Variants in ANO3 observed in about 807,000 individuals in gnomAD.
ANO3 encodes anoctamin 3, also known as anoctamin-3.
A neutral mutation model predicts 144.8 loss-of-function variants in ANO3; 99 were observed. The observed-to-expected ratio is 0.68, with a 90% CI of 0.58 to 0.81. The LOEUF is 0.81. Ranked by LOEUF, ANO3 falls within the 30% of genes least tolerant of loss-of-function variation. The probability of loss-of-function intolerance (pLI) is 0.00; values close to 1 mark genes in which losing one functional copy is unlikely to be tolerated. For missense variants in ANO3, 905 were observed against 1,202.2 expected (o/e 0.75, Z 3.66); for synonymous variants, 414 against 392.6 (o/e 1.05, Z -0.64).
chr11:26,212,771 C>T (rs1224360534), intron 1 of ANO3, among the ~76,000 whole-genome samples: 3 of 151,912 alleles, frequency 2.0e-5, no homozygotes, highest in East Asian at 3.9e-4. Context: ...GGACTCCTCC[C>T]TCTTTTTATG....
intron 1 of ANO3, among the ~76,000 whole-genome samples, chr11:26,197,704 T>A (rs1851617402): frequency 6.6e-6 from 1 of 152,072 alleles, no homozygotes; most frequent in South Asian, 2.1e-4. Context: ...TTTAGAAACG[T>A]CTCTTCCAGG....
intron 1 of ANO3, among the ~76,000 whole-genome samples, chr11:26,192,743 G>C (rs1851502723): frequency 6.6e-6 from 1 of 152,092 alleles, no homozygotes; most frequent in South Asian, 2.1e-4. Flanking sequence ...AGCCGAGAGA[G>C]AGCTGAATTG....
At chr11:26,505,948 G>A (rs1305792943) in intron 4 of ANO3, among the ~76,000 whole-genome samples, 2 of 135,026 alleles carry the variant, frequency 1.5e-5, no homozygotes, top group Admixed American at 8.4e-5. Context: ...AGCCGAGACC[G>A]CGCCACTGCA....
Position 26,636,056 on chromosome 11 carries a change from C to T in ANO3, c.2043+986C>T, listed in dbSNP as rs549174000. Among the ~76,000 whole-genome samples the T allele has an allele frequency of 1.3e-3, 196 of 151,922 alleles. 1 individual carries two copies. The highest frequency in any genetic ancestry group is 1.0e-3 in the Non-Finnish European group (70 of 68,004). On this transcript the variant is annotated intron_variant, in intron 20 of 26. Transcript: ENST00000256737. ...TTATTTAAAAAAAATAAAAATTAGCCGGGTGTGGTGGCACATGCTTCTAGT... is the reference window on the plus strand; with the variant it reads ...TTATTTAAAAAAAATAAAAATTAGCTGGGTGTGGTGGCACATGCTTCTAGT...
chr11:26,313,791 T>C (rs1442156477), intron 1 of ANO3, among the ~76,000 whole-genome samples: 1 of 151,518 alleles, frequency 6.6e-6, no homozygotes, highest in African/African-American at 2.4e-5. Context: ...TAGAAAACAA[T>C]TTGTTAAATG....
intron 17 of ANO3, among the ~76,000 whole-genome samples, chr11:26,602,147 T>G (rs949047633): frequency 1.3e-5 from 2 of 152,166 alleles, no homozygotes; most frequent in Non-Finnish European, 2.9e-5. Context: ...GATTGTTGTT[T>G]GAAGAAATTC....
At chr11:26,377,990 C>T (rs1003566303) in intron 1 of ANO3, among the ~76,000 whole-genome samples, 3 of 151,766 alleles carry the variant, frequency 2.0e-5, no homozygotes, top group Non-Finnish European at 2.9e-5. Context: ...TAATATGTAC[C>T]AGGAAACACT....
At chr11:26,642,374 G>A (rs949106624) in intron 22 of ANO3, among the ~76,000 whole-genome samples, 9 of 95,696 alleles carry the variant, frequency 9.4e-5, no homozygotes, top group African/African-American at 3.9e-4. Flanking sequence ...TTGAGACAGT[G>A]TCTTGCTTGT....
intron 1 of ANO3, among the ~76,000 whole-genome samples, chr11:26,378,926 A>C: frequency 1.3e-5 from 2 of 151,008 alleles, no homozygotes; most frequent in Non-Finnish European, 2.9e-5. Context: ...TTTAAAGAAC[A>C]GTCTCATTGG....
chr11:26,259,522 C>T (rs2133826026), intron 1 of ANO3, among the ~76,000 whole-genome samples: 1 of 130,452 alleles, frequency 7.7e-6, no homozygotes, highest in South Asian at 2.6e-4. Flanking sequence ...GTGGTGTGTG[C>T]CTGTAGTCCC....
chr11:26,532,811 C>G (rs1410098418), intron 8 of ANO3, among the ~76,000 whole-genome samples: 1 of 152,008 alleles, frequency 6.6e-6, no homozygotes, highest in Non-Finnish European at 1.5e-5. Flanking sequence ...CTAAAGTGCC[C>G]TTGTCCCAGT....
At chr11:26,340,634 CTA>C (rs952663706) in intron 1 of ANO3, among the ~76,000 whole-genome samples, 4 of 149,054 alleles carry the variant, frequency 2.7e-5, no homozygotes, top group East Asian at 2.0e-4. Context: ...AATATTATAA[CTA>C]TGTGCACATT....
At chr11:26,530,451 A>G (rs993647200) in intron 7 of ANO3, among the ~76,000 whole-genome samples, 2 of 142,018 alleles carry the variant, frequency 1.4e-5, no homozygotes, top group African/African-American at 5.6e-5. Flanking sequence ...TCTATCATCT[A>G]TCTGTCTGTC....
In ANO3 at chr11:26,599,555, C is replaced by T. The variant is rs1313009508; in HGVS notation, c.1677C>T (p.Ser559=). The change falls in exon 17 of 27, where the codon TCC becomes TCT. Residue 559 remains serine (S), a synonymous_variant. Transcript: ENST00000256737. The stretch of plus-strand genomic sequence containing the variant: ...TCTGGTGTCCAATATTGTAGATATC[C>T]TTGGTGATCACTGCAGTGTTTGGAG... The part of the protein sequence containing the change: ...VSVSGIFFMI[S]LVITAVFGVV... 6.2e-7 allele frequency: 1 copy of T among 1,611,850 alleles called. No homozygotes were observed. The highest frequency in any genetic ancestry group is 8.5e-7 in the Non-Finnish European group (1 of 1,178,776).
At chr11:26,479,412 T>C (rs1339985004) in intron 4 of ANO3, among the ~76,000 whole-genome samples, 1 of 152,168 alleles carries the variant, frequency 6.6e-6, no homozygotes, top group Non-Finnish European at 1.5e-5. Context: ...GGGTAACTTA[T>C]AAAGGAAAGA....
At chr11:26,626,524 A>G (rs1353142) in intron 18 of ANO3, among the ~76,000 whole-genome samples, 20,193 of 152,168 alleles carry the variant, frequency 0.13, 1,717 homozygotes, top group African/African-American at 0.24. Flanking sequence ...TTGCCTGGGA[A>G]GAGCAAGACC....
At chr11:26,370,504 G>A (rs1856219341) in intron 1 of ANO3, among the ~76,000 whole-genome samples, 1 of 152,152 alleles carries the variant, frequency 6.6e-6, no homozygotes, top group African/African-American at 2.4e-5. Flanking sequence ...AAATGTGGAG[G>A]TGACTTTGGA....
At chr11:26,644,264 C>CAT (rs1853268155) in intron 23 of ANO3, among the ~76,000 whole-genome samples, 1 of 152,146 alleles carries the variant, frequency 6.6e-6, no homozygotes, top group African/African-American at 2.4e-5. Context: ...AAACGGATTT[C>CAT]ATATATACCT....
chr11:26,387,160 GAC>G (rs1856757717), intron 1 of ANO3, among the ~76,000 whole-genome samples: 1 of 134,510 alleles, frequency 7.4e-6, no homozygotes, highest in Non-Finnish European at 1.6e-5. Context: ...TTTTAGTAGA[GAC>G]AGGGTTTCAC....
Sources: gnomAD v4.1 joint callset for allele counts (sites outside exome capture counted in the v4.1 genomes callset) on GRCh38, gnomAD v4.1.1 for gene constraint, MANE v1.5 for transcripts, NCBI Gene and HGNC (gene_info 2026-07-23, HGNC 2026-07-21) for gene names.